The following EIF2D variants were observed in gnomAD, a reference collection of about 807,000 sequenced individuals.
The protein encoded by EIF2D is hepatocellular carcinoma-associated antigen 56.
EIF2D carries 56 observed loss-of-function variants against 77.4 expected under a neutral mutation model. That is an observed-to-expected ratio of 0.72 (90% confidence interval 0.58 to 0.90). The LOEUF is 0.90. EIF2D is among the 40% of genes least tolerant of loss of function. The pLI, the probability that EIF2D is intolerant of heterozygous loss-of-function variation, is 0.00. For missense variants in EIF2D, 574 were observed against 706.5 expected (o/e 0.81, Z 2.13); for synonymous variants, 230 against 271.0 (o/e 0.85, Z 1.49).
chr1:206,609,861 C>T (rs1670386659), intron 2 of EIF2D, among the ~76,000 whole-genome samples: 1 of 152,154 alleles, frequency 6.6e-6, no homozygotes, highest in African/African-American at 2.4e-5. Flanking sequence ...GCAGCAAAAA[C>T]CCCTAGGTCA....
intron 2 of EIF2D, chr1:206,583,526 G>A: frequency 1.6e-6 from 1 of 636,050 alleles, no homozygotes. Context: ...GGGTCTGGAA[G>A]GCTGATAGCC....
intron 7 of EIF2D, 83 bp from the exon 8 acceptor site, chr1:206,600,391 C>T (rs1440564040): frequency 7.9e-7 from 1 of 1,272,594 alleles, no homozygotes; most frequent in Non-Finnish European, 1.1e-6. Flanking sequence ...GGCCTTTTTC[C>T]TCAGCCTTCC....
chr1:206,584,370 C>A lies in EIF2D; in HGVS notation c.139-3208G>T. 1 of 1,598,134 alleles carries A rather than the reference C, an allele frequency of 6.3e-7. No individual in the cohort carries two copies. Among genetic ancestry groups the A allele is most frequent in the Non-Finnish European group, 8.5e-7 (1 of 1,171,230 alleles). ...GGCGGACGGCCCTGACCCCCTGTGA[C>A]ATGCCCCCGCTGGCAGAGTGAAGAC... is the stretch of plus-strand genomic sequence containing the variant. On this transcript the variant is annotated intron_variant and NMD_transcript_variant, in intron 2 of 5. Coordinates refer to the EIF2D transcript ENST00000472709. This position sits in a 1 kb window ranked among gnomAD's most constrained non-coding sequence, Gnocchi z 4.9.
intron 14 of EIF2D, 124 bp downstream of exon 14, chr1:206,593,495 G>GAA (rs1669473197): frequency 1.9e-6 from 1 of 539,824 alleles, no homozygotes; most frequent in Non-Finnish European, 2.9e-6. Context: ...GAGCGAGAGA[G>GAA]AGAGAGAGAG....
chr1:206,609,289 C>A, intron 3 of EIF2D, 87 bp downstream of exon 3: 1 of 1,333,556 alleles, frequency 7.5e-7, no homozygotes, highest in South Asian at 1.3e-5. Context: ...ACCACAAAAA[C>A]ACAGGAAATG....
Position 206,612,445 on chromosome 1 carries a change from T to TGGGGCCCGGCCGCGAAA in EIF2D, c.-120_-104dup. On this transcript the variant is annotated 5_prime_UTR_variant, in exon 1 of 15. Coordinates refer to ENST00000271764, the MANE Select transcript of EIF2D (RefSeq NM_006893.3). ...CCCTCAGCCGTGGGGGCAGCCATGC[T>TGGGGCCCGGCCGCGAAA]GGGGCCCGGCCGCGAAAAGGGCCCG... 4.0e-6 allele frequency: 6 copies of TGGGGCCCGGCCGCGAAA among 1,492,900 alleles called. No homozygotes were observed. In the South Asian group the frequency reaches 6.8e-5, roughly 17 times the overall value. 92.5% of individuals were successfully genotyped at this position (1,492,900 alleles called of 1,614,324 possible).
At position 206,595,823 on chromosome 1, in the gene EIF2D, T is replaced by C; in HGVS notation, c.1404A>G (p.Leu468=). Residue 468 remains leucine (L), a synonymous_variant, in exon 13 of 15, where the codon TTA becomes TTG. Transcript: ENST00000271764. ...GAAGGGTCACTTGATAGGCAGGCTGTAATTTTTCCAAACACCTGAAACAGA... is the reference window on the plus strand; with the variant it reads ...GAAGGGTCACTTGATAGGCAGGCTGCAATTTTTCCAAACACCTGAAACAGA... ...DSLLTRCLEK[L]QPAYQVTLPG... 4 of 1,614,170 alleles carry C rather than the reference T, an allele frequency of 2.5e-6. No individual in the cohort carries two copies. Among genetic ancestry groups the C allele is most frequent in the Non-Finnish European group, 3.4e-6 (4 of 1,179,996 alleles).
intron 12 of EIF2D, 29 bp downstream of exon 12, chr1:206,597,071 G>C (rs1669681570): frequency 6.4e-7 from 1 of 1,559,866 alleles, no homozygotes; most frequent in East Asian, 2.2e-5. Context: ...GGATAGAAAA[G>C]TTGGAGAGGG....
intron 4 of EIF2D, among the ~76,000 whole-genome samples, chr1:206,577,080 G>T (rs1233910338): frequency 6.6e-6 from 1 of 151,956 alleles, no homozygotes; most frequent in African/African-American, 2.4e-5. Context: ...CAAAGTGCTG[G>T]GATTGTAGGT....
intron 14 of EIF2D, 51 bp from the exon 15 acceptor site, chr1:206,591,896 G>T: frequency 6.3e-7 from 1 of 1,588,286 alleles, no homozygotes; most frequent in Non-Finnish European, 8.6e-7. Context: ...CTTGCTCCCC[G>T]GCTGGCCCTC....
Position 206,599,095 on chromosome 1 carries a change from A to G in EIF2D, c.1203-3T>C. On this transcript the variant is annotated splice_region_variant and splice_polypyrimidine_tract_variant and intron_variant, in intron 10 of 14. Transcript: ENST00000271764. The surrounding 1 kb of genome is among the most constrained non-coding windows in gnomAD (Gnocchi z 4.1). ...TGCCCTCCAGAAAGCTCCCCTTCCT[A>G]GGTGAGGAGAAGTGACCCAGGGGTT... 1 of 1,613,958 alleles carries G rather than the reference A, an allele frequency of 6.2e-7. No individual in the cohort carries two copies. Among genetic ancestry groups the G allele is most frequent in the Non-Finnish European group, 8.5e-7 (1 of 1,179,928 alleles).
intron 4 of EIF2D, among the ~76,000 whole-genome samples, chr1:206,572,972 G>A (rs1400212774): frequency 6.6e-6 from 1 of 152,128 alleles, no homozygotes. Context: ...TACTGAAGAT[G>A]ATAATGGAAA....
At chr1:206,577,839 C>T (rs1553405454) in intron 4 of EIF2D, among the ~76,000 whole-genome samples, 1 of 152,180 alleles carries the variant, frequency 6.6e-6, no homozygotes, top group East Asian at 1.9e-4. Flanking sequence ...AGGCACCAGG[C>T]ACAGAGAACA....
rs1167451811 is a variant in EIF2D at position 206,593,797 on chromosome 1, G to T, written c.1510-4C>A. 1 of 1,592,956 alleles carries T rather than the reference G, an allele frequency of 6.3e-7. No individual in the cohort carries two copies. The highest frequency in any genetic ancestry group is 1.1e-5 in the South Asian group (1 of 89,664). ...CCAAGTTCCGGACCACGGTCACCTGGGGGGACAGTGGGGACAGAGACTGAC... is the reference window on the plus strand; with the variant it reads ...CCAAGTTCCGGACCACGGTCACCTGTGGGGACAGTGGGGACAGAGACTGAC... On this transcript the variant is annotated splice_region_variant and splice_polypyrimidine_tract_variant and intron_variant, in intron 13 of 14. Coordinates refer to ENST00000271764, the MANE Select transcript of EIF2D (RefSeq NM_006893.3).
rs567075895 is a variant in EIF2D at position 206,602,987 on chromosome 1, G to T, written c.748C>A (p.Leu250Met). Residue 250 changes from leucine to methionine, a missense_variant, in exon 6 of 15, where the codon CTG becomes ATG. Transcript: ENST00000271764. ...TTGCTATCTGTGGAGTCTTGGTTCA[G>T]GCCCCTGGTGCTGGTGTCTTCTGGG... ...EAPEDTSTRG[L>M]NQDSTDSKTL... 1.2e-4 allele frequency: 187 copies of T among 1,614,116 alleles called. 5 individuals are homozygous for T. In the South Asian group the frequency reaches 2.0e-3, roughly 17 times the overall value.
At chr1:206,593,032 G>A (rs1211652257) in intron 14 of EIF2D, among the ~76,000 whole-genome samples, 2 of 152,076 alleles carry the variant, frequency 1.3e-5, no homozygotes, top group African/African-American at 2.4e-5. Context: ...AACCTGGAAG[G>A]TGGAGGCTGC....
downstream of EIF2D, among the ~76,000 whole-genome samples, chr1:206,570,104 T>C (rs1241675834): frequency 1.1e-3 from 94 of 83,832 alleles, no homozygotes; most frequent in East Asian, 0.013. Flanking sequence ...TTTTTTTTTT[T>C]CCCCAAGACA....
chr1:206,589,190 G>GTT (rs1553408494), downstream of EIF2D: 9 of 152,696 alleles, frequency 5.9e-5, no homozygotes, highest in Non-Finnish European at 1.2e-4. Flanking sequence ...CAGTGTGTAA[G>GTT]TGTTTGTTTC....
chr1:206,611,082 G>A (rs1014824635), intron 2 of EIF2D, 102 bp downstream of exon 2: 58 of 1,137,360 alleles, frequency 5.1e-5, no homozygotes, highest in South Asian at 8.1e-5. Context: ...GGGAGATTTC[G>A]TGCTTGCTTA....
Sources: gnomAD v4.1 joint callset for allele counts (sites outside exome capture counted in the v4.1 genomes callset) on GRCh38, gnomAD v4.1.1 for gene constraint, Gnocchi (gnomAD v3.1) non-coding constraint, MANE v1.5 for transcripts, NCBI Gene and HGNC (gene_info 2026-07-23, HGNC 2026-07-21) for gene names.